The following ZNF385B variants were observed in gnomAD, a reference collection of about 807,000 sequenced individuals.
The protein encoded by ZNF385B is zinc finger protein 385B, also known as zinc finger protein 533.
In ZNF385B, 23 loss-of-function variants were observed where a neutral mutation model predicts 39.2. That is an observed-to-expected ratio of 0.59 (90% confidence interval 0.42 to 0.83). ZNF385B has a LOEUF of 0.83. Ranked by LOEUF, ZNF385B falls within the 40% of genes least tolerant of loss-of-function variation. ZNF385B has a pLI of 0.00. For missense variants in ZNF385B, 552 were observed against 598.9 expected (o/e 0.92, Z 0.82); for synonymous variants, 205 against 222.6 (o/e 0.92, Z 0.70).
intron 3 of ZNF385B, among the ~76,000 whole-genome samples, chr2:179,664,461 T>C (rs1025979368): frequency 6.6e-6 from 1 of 152,202 alleles, no homozygotes; most frequent in Admixed American, 6.5e-5. Flanking sequence ...TGCTATTAAC[T>C]AGGCTACTAC....
In ZNF385B at chr2:179,826,737, C is replaced by T. The variant is rs190920182; in HGVS notation, c.-155+34364G>A. Among the ~76,000 whole-genome samples, 600 of 152,238 alleles carry T rather than the reference C, an allele frequency of 3.9e-3. 3 individuals are homozygous for T. Among genetic ancestry groups the T allele is most frequent in the Admixed American group, 6.9e-3 (105 of 15,274 alleles). ...CTTTAACTTGCCTGGATTTCTCTCACTGCCTAGCACCTCCCCACAAAACAT... is the reference window on the plus strand; with the variant it reads ...CTTTAACTTGCCTGGATTTCTCTCATTGCCTAGCACCTCCCCACAAAACAT... On this transcript the variant is annotated intron_variant, in intron 1 of 9. Coordinates refer to ENST00000410066, the MANE Select transcript of ZNF385B (RefSeq NM_152520.6).
At chr2:179,592,205 C>T (rs143451351) in intron 3 of ZNF385B, among the ~76,000 whole-genome samples, 120 of 152,240 alleles carry the variant, frequency 7.9e-4, no homozygotes, top group African/African-American at 2.7e-3. Flanking sequence ...ACGTTGCTCT[C>T]TCAGCAGTGG....
intron 3 of ZNF385B, among the ~76,000 whole-genome samples, chr2:179,763,528 C>A (rs1037685344): frequency 6.6e-6 from 1 of 152,106 alleles, no homozygotes; most frequent in Non-Finnish European, 1.5e-5. Flanking sequence ...TTATTACTTT[C>A]TTCCTTCCAT....
chr2:179,480,298 T>C (rs1224209799), intron 6 of ZNF385B, among the ~76,000 whole-genome samples: 1 of 152,204 alleles, frequency 6.6e-6, no homozygotes, highest in Non-Finnish European at 1.5e-5. Flanking sequence ...GTCTGACTCC[T>C]TAAAGCAACA....
At chr2:179,635,269 C>A (rs1691645269) in intron 3 of ZNF385B, among the ~76,000 whole-genome samples, 1 of 151,670 alleles carries the variant, frequency 6.6e-6, no homozygotes, top group Non-Finnish European at 1.5e-5. Context: ...TCATTCTCAG[C>A]AAACTGTCAT....
chr2:179,509,728 A>G (rs970976969), intron 5 of ZNF385B, among the ~76,000 whole-genome samples: 6 of 152,202 alleles, frequency 3.9e-5, no homozygotes, highest in African/African-American at 1.2e-4. Flanking sequence ...TTTCAGTATT[A>G]TATTTCTTGA....
At chr2:179,800,140 A>G (rs1436280912) in intron 1 of ZNF385B, among the ~76,000 whole-genome samples, 1 of 152,126 alleles carries the variant, frequency 6.6e-6, no homozygotes, top group African/African-American at 2.4e-5. Flanking sequence ...CTGAAAATTC[A>G]TCTCCAAAGC....
At chr2:179,602,092 A>G (rs1246603362) in intron 3 of ZNF385B, among the ~76,000 whole-genome samples, 1 of 152,348 alleles carries the variant, frequency 6.6e-6, no homozygotes, top group East Asian at 1.9e-4. Context: ...ACAAGAAAGA[A>G]AAATATAAAC....
intron 1 of ZNF385B, among the ~76,000 whole-genome samples, chr2:179,776,160 T>G (rs1704302705): frequency 6.6e-6 from 1 of 152,236 alleles, no homozygotes; most frequent in Non-Finnish European, 1.5e-5. Context: ...TTGTTCTGAA[T>G]TATCCTAAGA....
chr2:179,699,375 C>T lies in ZNF385B; in HGVS notation c.298+70128G>A, dbSNP rs1407987200. Reference sequence around the variant, plus strand: ...CACTCAAGCAGAAATCCTCAAAGGGCTCTAGTATTTCTGTTTTGCACTTTA... The same window carrying T: ...CACTCAAGCAGAAATCCTCAAAGGGTTCTAGTATTTCTGTTTTGCACTTTA... On this transcript the variant is annotated intron_variant, in intron 3 of 9. Coordinates refer to ENST00000410066, the MANE Select transcript of ZNF385B (RefSeq NM_152520.6). 2.0e-5 allele frequency among the ~76,000 whole-genome samples: 3 copies of T among 152,210 alleles called. No individual in the cohort carries two copies. The East Asian group carries it at 5.8e-4, about 29-fold the overall frequency.
intron 3 of ZNF385B, among the ~76,000 whole-genome samples, chr2:179,566,090 G>A (rs1684541921): frequency 6.6e-6 from 1 of 152,188 alleles, no homozygotes; most frequent in African/African-American, 2.4e-5. Context: ...AATAGCATCT[G>A]TGTTTTTAAT....
At chr2:179,461,689 A>G (rs1177198932) in intron 6 of ZNF385B, among the ~76,000 whole-genome samples, 1 of 152,216 alleles carries the variant, frequency 6.6e-6, no homozygotes, top group East Asian at 1.9e-4. Flanking sequence ...TAATGCTTAC[A>G]TGTGCAAAAT....
At chr2:179,571,873 A>T (rs1685250913) in intron 3 of ZNF385B, among the ~76,000 whole-genome samples, 1 of 151,984 alleles carries the variant, frequency 6.6e-6, no homozygotes, top group African/African-American at 2.4e-5. Flanking sequence ...CACATTGTCT[A>T]TGCCTTCCCT....
At chr2:179,668,343 C>T (rs1471383987) in intron 3 of ZNF385B, among the ~76,000 whole-genome samples, 1 of 152,134 alleles carries the variant, frequency 6.6e-6, no homozygotes, top group Admixed American at 6.5e-5. Context: ...CTGAAGAGAC[C>T]ACAATATACA....
At chr2:179,475,131 A>G (rs2053261236) in intron 6 of ZNF385B, among the ~76,000 whole-genome samples, 1 of 152,208 alleles carries the variant, frequency 6.6e-6, no homozygotes, top group South Asian at 2.1e-4. Context: ...ACAATGAAAT[A>G]TTGACTTTCT....
intron 1 of ZNF385B, among the ~76,000 whole-genome samples, chr2:179,858,757 T>C (rs1464275707): frequency 1.3e-5 from 2 of 152,188 alleles, no homozygotes; most frequent in African/African-American, 4.8e-5. Flanking sequence ...CTTTAGATCT[T>C]TGAAGACATA....
At chr2:179,563,158 G>A (rs1313831443) in intron 3 of ZNF385B, among the ~76,000 whole-genome samples, 1 of 152,102 alleles carries the variant, frequency 6.6e-6, no homozygotes, top group East Asian at 1.9e-4. Flanking sequence ...GGGTATTATG[G>A]TAAAATTGAA....
intron 1 of ZNF385B, among the ~76,000 whole-genome samples, chr2:179,855,186 C>T (rs533098832): frequency 1.3e-5 from 2 of 152,136 alleles, no homozygotes; most frequent in Admixed American, 6.5e-5. Flanking sequence ...AACATAATAA[C>T]ATAATGGCTA....
chr2:179,860,636 A>G (rs956650060), intron 1 of ZNF385B, among the ~76,000 whole-genome samples: 1 of 151,904 alleles, frequency 6.6e-6, no homozygotes, highest in African/African-American at 2.4e-5. Flanking sequence ...CACGACCCCA[A>G]GCTTCGACCG....
Sources: gnomAD v4.1 joint callset for allele counts (sites outside exome capture counted in the v4.1 genomes callset) on GRCh38, gnomAD v4.1.1 for gene constraint, MANE v1.5 for transcripts, NCBI Gene and HGNC (gene_info 2026-07-23, HGNC 2026-07-21) for gene names.